PLA2G4E: variants seen among roughly 807,000 people sequenced by gnomAD.
The protein encoded by PLA2G4E is phospholipase A2 group IVE.
A neutral mutation model predicts 109.1 loss-of-function variants in PLA2G4E; 84 were observed. That is an observed-to-expected ratio of 0.77 (90% CI 0.65 to 0.92). PLA2G4E has a LOEUF of 0.92. Ranked by LOEUF, PLA2G4E falls within the 40% of genes least tolerant of loss-of-function variation. The probability of loss-of-function intolerance (pLI) is 0.00; values close to 1 mark genes in which losing one functional copy is unlikely to be tolerated. For missense variants in PLA2G4E, 1,057 were observed against 1,076.6 expected, an observed-to-expected ratio of 0.98 and a Z score of 0.25; for synonymous variants, 469 against 436.1, an observed-to-expected ratio of 1.08 and a Z score of -0.94.
chr15:42,013,081 G>C (rs905108629), intron 2 of PLA2G4E, among the ~76,000 whole-genome samples: 4 of 152,232 alleles, frequency 2.6e-5, no homozygotes, highest in African/African-American at 4.8e-5. Context: ...CTGGGATGAG[G>C]GGGGAGGTTA....
chr15:41,986,960 G>A lies in PLA2G4E; in HGVS notation c.2035+212C>T, dbSNP rs144305168. The A allele has an allele frequency of 1.1e-3, 647 of 595,956 alleles. 4 individuals are homozygous for A. Among genetic ancestry groups the A allele is most frequent in the Non-Finnish European group, 1.7e-3 (573 of 335,620 alleles). The allele number at this position is 595,956 out of a possible 1,614,324, so 36.9% of individuals were successfully genotyped here. A position where few individuals can be genotyped will look rare whatever the true frequency, so the allele number is the denominator to read the frequency against. On this transcript the variant is annotated intron_variant, in intron 17 of 19. Coordinates refer to ENST00000399518, the Ensembl canonical transcript of PLA2G4E. ...TATAGAATGACTGTACAGATGCAGT[G>A]AGTTAAGTACCCACACCACTCCCTG...
intron 11 of PLA2G4E, among the ~76,000 whole-genome samples, chr15:41,996,113 G>A (rs1367868978): frequency 6.6e-6 from 1 of 152,080 alleles, no homozygotes; most frequent in Non-Finnish European, 1.5e-5. Flanking sequence ...TTGGGGGGCC[G>A]AGGTGGGCAG....
chr15:42,021,696 G>A (rs554924136), intron 1 of PLA2G4E, among the ~76,000 whole-genome samples: 7 of 152,252 alleles, frequency 4.6e-5, no homozygotes, highest in African/African-American at 7.2e-5. Context: ...GGATGCACCC[G>A]CCCCGCCCAG....
chr15:41,999,104 G>A (rs1178496897), intron 10 of PLA2G4E: 1 of 151,256 alleles, frequency 6.6e-6, no homozygotes, highest in Non-Finnish European at 1.5e-5. Flanking sequence ...ATTGGATTAG[G>A]CAATGATTTC....
rs1385558942 is a variant in PLA2G4E at position 41,989,489 on chromosome 15, T to A, written c.1649A>T (p.Glu550Val). The A allele has an allele frequency of 1.9e-6, 3 of 1,613,716 alleles. No homozygotes were observed. In the Admixed American group the frequency reaches 5.0e-5, roughly 27 times the overall value. Residue 550 changes from glutamate (E) to valine (V), a missense_variant, in exon 15 of 20, where the codon GAG becomes GTG. Coordinates refer to ENST00000399518, the Ensembl canonical transcript of PLA2G4E. ...CATGAAGAACTCGGAGCCGAAGAGC[T>A]CGGAGGGGATGAAGGCCCCATACTT... is the stretch of plus-strand genomic sequence containing the variant.
At chr15:41,998,046 C>G (rs2068370092) in intron 10 of PLA2G4E, 2 of 152,252 alleles carry the variant, frequency 1.3e-5, no homozygotes, top group African/African-American at 4.8e-5. Flanking sequence ...AGTCCTGTTT[C>G]CGGGTCTTGG....
intron 10 of PLA2G4E, chr15:41,997,510 C>T (rs1342676749): frequency 3.1e-6 from 1 of 326,374 alleles, no homozygotes; most frequent in Non-Finnish European, 5.5e-6. Context: ...CGAGCTGGTA[C>T]TCAACAAAAG....
chr15:42,023,191 G>A (rs1219673596), intron 1 of PLA2G4E, among the ~76,000 whole-genome samples: 1 of 149,380 alleles, frequency 6.7e-6, no homozygotes, highest in Non-Finnish European at 1.5e-5. Context: ...GAGGCTTTGT[G>A]AAAGAACAAA....
At chr15:42,038,726 C>T (rs971792574) in intron 1 of PLA2G4E, among the ~76,000 whole-genome samples, 1 of 152,098 alleles carries the variant, frequency 6.6e-6, no homozygotes, top group African/African-American at 2.4e-5. Flanking sequence ...AAGCAGTGTG[C>T]GGGCAGGGAG....
intron 1 of PLA2G4E, among the ~76,000 whole-genome samples, chr15:42,025,072 T>A (rs1193225985): frequency 4.6e-5 from 7 of 151,694 alleles, no homozygotes; most frequent in Admixed American, 3.9e-4. Flanking sequence ...CGCGGGCACC[T>A]GTAGTCCCAG....
chr15:41,993,255 C>T (rs954230248), intron 12 of PLA2G4E, among the ~76,000 whole-genome samples: 4 of 152,226 alleles, frequency 2.6e-5, no homozygotes, highest in Admixed American at 1.3e-4. Context: ...CAGGCTCTGT[C>T]GCTCACTAGC....
At chr15:41,994,266 C>T (rs1038657898) in intron 12 of PLA2G4E, among the ~76,000 whole-genome samples, 1 of 151,722 alleles carries the variant, frequency 6.6e-6, no homozygotes, top group East Asian at 1.9e-4. Context: ...AGGCAAATGT[C>T]TCCTTCTGTC....
chr15:42,049,768 T>C (rs1566854640), intron 1 of PLA2G4E, among the ~76,000 whole-genome samples: 2 of 152,134 alleles, frequency 1.3e-5, no homozygotes, highest in East Asian at 3.9e-4. Flanking sequence ...CTCAGTCTGG[T>C]GCCACCGCTA....
chr15:42,046,554 TG>T (rs1225861909), intron 1 of PLA2G4E, among the ~76,000 whole-genome samples: 4 of 152,218 alleles, frequency 2.6e-5, no homozygotes, highest in Non-Finnish European at 5.9e-5. Context: ...GTCCCCTCCC[TG>T]CTGCCTGTCA....
intron 1 of PLA2G4E, among the ~76,000 whole-genome samples, chr15:42,031,729 C>T (rs1053021545): frequency 6.6e-6 from 1 of 152,176 alleles, no homozygotes; most frequent in Non-Finnish European, 1.5e-5. Context: ...GGGCACCTCT[C>T]GGAGACTCCC....
At chr15:41,989,488 C>T in exon 15 of PLA2G4E, 2 of 1,613,954 alleles carry the variant, frequency 1.2e-6, no homozygotes, top group Non-Finnish European at 1.7e-6. Flanking sequence ...AGCCGAAGAG[C>T]TCGGAGGGGA....
intron 2 of PLA2G4E, 87 bp from the exon 3 acceptor site, chr15:42,007,952 G>T: frequency 7.0e-7 from 1 of 1,419,456 alleles, no homozygotes; most frequent in Non-Finnish European, 9.7e-7. Context: ...CTCTTCCAGA[G>T]CCAGGCCCCA....
At chr15:42,010,030 C>T (rs777336843) in intron 2 of PLA2G4E, 3 of 437,640 alleles carry the variant, frequency 6.9e-6, no homozygotes, top group South Asian at 1.9e-5. Flanking sequence ...ACTGCAGATA[C>T]AGGTCAGAGG....
intron 2 of PLA2G4E, among the ~76,000 whole-genome samples, chr15:42,009,675 C>T (rs1252925977): frequency 6.6e-6 from 1 of 152,222 alleles, no homozygotes; most frequent in Non-Finnish European, 1.5e-5. Context: ...CATTCACACA[C>T]ATTTACACAC....
Sources: allele counts gnomAD v4.1 joint callset (sites outside exome capture counted in the v4.1 genomes callset), GRCh38; gene constraint gnomAD v4.1.1; transcripts MANE v1.5; gene names NCBI Gene and HGNC (gene_info 2026-07-23, HGNC 2026-07-21).